Variants in PCDH9 observed in about 807,000 individuals in gnomAD.
PCDH9 encodes the protein protocadherin 9.
Under a neutral mutation model 70.6 loss-of-function variants are expected in PCDH9, and 24 were observed. That is an observed-to-expected ratio of 0.34 (90% CI 0.25 to 0.48). PCDH9 has a LOEUF of 0.48. Among genes scored for constraint, PCDH9 ranks in the 20% least tolerant of loss-of-function variants. The pLI, the probability that PCDH9 is intolerant of heterozygous loss-of-function variation, is 0.99. For synonymous variants in PCDH9, 562 were observed against 558.5 expected, an observed-to-expected ratio of 1.01 and a Z score of -0.09; for missense variants, 1,281 against 1,503.6, an observed-to-expected ratio of 0.85 and a Z score of 2.45.
At chr13:67,179,111 A>G (rs2138475337) in intron 2 of PCDH9, among the ~76,000 whole-genome samples, 2 of 152,118 alleles carry the variant, frequency 1.3e-5, no homozygotes, top group Middle Eastern at 6.8e-3. Context: ...GTGGCTACAT[A>G]GTTGATTATT....
intron 2 of PCDH9, among the ~76,000 whole-genome samples, chr13:67,006,100 A>G (rs552707123): frequency 2.0e-5 from 3 of 152,114 alleles, no homozygotes; most frequent in Non-Finnish European, 2.9e-5. Flanking sequence ...GGCGGCAGGC[A>G]CCTGTAGTCC....
intron 4 of PCDH9, among the ~76,000 whole-genome samples, chr13:66,448,250 A>G (rs1387402334): frequency 6.6e-6 from 1 of 152,182 alleles, no homozygotes; most frequent in Non-Finnish European, 1.5e-5. Context: ...GAAATTTTGT[A>G]TTTTTGATGG....
intron 2 of PCDH9, among the ~76,000 whole-genome samples, chr13:67,167,770 C>A (rs1402776540): frequency 1.3e-5 from 2 of 152,020 alleles, no homozygotes; most frequent in African/African-American, 4.8e-5. Context: ...ATGATTCCAC[C>A]GTGGAACTAA....
chr13:66,788,841 C>G (rs2080120419), intron 3 of PCDH9, among the ~76,000 whole-genome samples: 1 of 151,954 alleles, frequency 6.6e-6, no homozygotes, highest in Non-Finnish European at 1.5e-5. Flanking sequence ...TCCTCTTTCC[C>G]AGCAACACAG....
chr13:66,442,607 T>G (rs1057403360), intron 4 of PCDH9, among the ~76,000 whole-genome samples: 1 of 152,096 alleles, frequency 6.6e-6, no homozygotes, highest in Non-Finnish European at 1.5e-5. Context: ...AAGTAACTGT[T>G]AGATCTCACA....
chr13:66,984,295 A>G (rs2083843577), intron 2 of PCDH9, among the ~76,000 whole-genome samples: 1 of 152,182 alleles, frequency 6.6e-6, no homozygotes, highest in Admixed American at 6.5e-5. Flanking sequence ...TTTCCTTAAC[A>G]ATTACTTAAA....
intron 4 of PCDH9, among the ~76,000 whole-genome samples, chr13:66,457,624 A>C (rs1416145793): frequency 6.6e-6 from 1 of 152,100 alleles, no homozygotes; most frequent in Non-Finnish European, 1.5e-5. Context: ...CATAATAATT[A>C]AATCAGAATG....
intron 4 of PCDH9, among the ~76,000 whole-genome samples, chr13:66,432,889 T>C (rs564344767): frequency 6.6e-6 from 1 of 152,128 alleles, no homozygotes; most frequent in East Asian, 1.9e-4. Context: ...GGCTTCCCAA[T>C]GTGCTTCAAT....
At chr13:66,361,031 T>C (rs750196365) in intron 4 of PCDH9, among the ~76,000 whole-genome samples, 1 of 152,126 alleles carries the variant, frequency 6.6e-6, no homozygotes, top group Non-Finnish European at 1.5e-5. Context: ...TGCTCTTATA[T>C]AGCCCAATGT....
At position 67,226,273 on chromosome 13, in the gene PCDH9, T is replaced by C. The variant is rs1280410518; in HGVS notation, c.2168A>G (p.Lys723Arg). The C allele has an allele frequency of 3.7e-6, 6 of 1,614,144 alleles. No homozygotes were observed. Among genetic ancestry groups the C allele is most frequent in the Non-Finnish European group, 5.1e-6 (6 of 1,180,012 alleles). The change falls in exon 2 of 5, where the codon AAA becomes AGA. Residue 723 changes from lysine to arginine, a missense_variant. Coordinates refer to ENST00000377865, the MANE Select transcript of PCDH9 (RefSeq NM_203487.3). The surrounding 1 kb of genome is among the most constrained non-coding windows in gnomAD (Gnocchi z 5.0). The stretch of plus-strand genomic sequence containing the variant: ...TACTGGATCAATCCGGAATAAGCCT[T>C]TATTGTTTCCACTCACTATAGTATA... Reference protein sequence around the residue: ...LKYTIVSGNNKGLFRIDPVTG... With the variant: ...LKYTIVSGNNRGLFRIDPVTG...
intron 2 of PCDH9, among the ~76,000 whole-genome samples, chr13:66,931,466 G>T (rs2082806763): frequency 6.6e-6 from 1 of 151,976 alleles, no homozygotes; most frequent in African/African-American, 2.4e-5. Context: ...CCAATCAGAA[G>T]GCTTATGCTG....
chr13:66,440,916 C>G (rs968094617), intron 4 of PCDH9, among the ~76,000 whole-genome samples: 2 of 152,092 alleles, frequency 1.3e-5, no homozygotes, highest in Non-Finnish European at 2.9e-5. Context: ...CACGGAAACA[C>G]ACAGATTCTG....
chr13:66,890,903 T>C (rs2082085864), intron 3 of PCDH9, among the ~76,000 whole-genome samples: 2 of 152,136 alleles, frequency 1.3e-5, no homozygotes, highest in Admixed American at 6.6e-5. Flanking sequence ...AATCAAGTTA[T>C]AGAACATTTA....
At chr13:66,735,322 G>T (rs1162480007) in intron 3 of PCDH9, among the ~76,000 whole-genome samples, 1 of 152,186 alleles carries the variant, frequency 6.6e-6, no homozygotes, top group Admixed American at 6.5e-5. Flanking sequence ...AAAATAAGGA[G>T]AGGTTTCAAA....
intron 3 of PCDH9, among the ~76,000 whole-genome samples, chr13:66,669,557 G>A (rs917922195): frequency 2.6e-5 from 4 of 152,134 alleles, no homozygotes; most frequent in Non-Finnish European, 5.9e-5. Context: ...TGTTCTCAGA[G>A]GTGTTACAGC....
chr13:67,149,837 G>A (rs939508785), intron 2 of PCDH9, among the ~76,000 whole-genome samples: 2 of 151,998 alleles, frequency 1.3e-5, no homozygotes, highest in Non-Finnish European at 2.9e-5. Context: ...AAATTAGCAT[G>A]TTTAATCGTT....
intron 2 of PCDH9, among the ~76,000 whole-genome samples, chr13:67,089,608 A>G (rs1294222138): frequency 6.6e-6 from 1 of 152,050 alleles, no homozygotes; most frequent in Non-Finnish European, 1.5e-5. Flanking sequence ...AAAATTCATC[A>G]TACTTGGACA....
In PCDH9 at chr13:66,647,747, G is replaced by A. The variant is rs2077791690; in HGVS notation, c.3139-16336C>T. 3.3e-5 allele frequency among the ~76,000 whole-genome samples: 5 copies of A among 151,902 alleles called. No individual in the cohort carries two copies. In the South Asian group the frequency reaches 1.0e-3, roughly 32 times the overall value. On this transcript the variant is annotated intron_variant, in intron 3 of 4. Coordinates refer to ENST00000377865, the MANE Select transcript of PCDH9 (RefSeq NM_203487.3). ...CACAGTAGGATAAAACATCAAGTGGGTTCTTGGGTTCTCTGATTTCAGGCA... is the reference window on the plus strand; with the variant it reads ...CACAGTAGGATAAAACATCAAGTGGATTCTTGGGTTCTCTGATTTCAGGCA...
chr13:67,193,335 ACAC>A (rs1566487299), intron 2 of PCDH9, among the ~76,000 whole-genome samples: 13 of 43,026 alleles, frequency 3.0e-4, no homozygotes, highest in Middle Eastern at 0.017. Flanking sequence ...AGATTAAAAC[ACAC>A]ACACACACAC....
Sources: gnomAD v4.1 joint callset for allele counts (sites outside exome capture counted in the v4.1 genomes callset) on GRCh38, gnomAD v4.1.1 for gene constraint, Gnocchi (gnomAD v3.1) non-coding constraint, MANE v1.5 for transcripts, NCBI Gene and HGNC (gene_info 2026-07-23, HGNC 2026-07-21) for gene names.